DNAH8: variants seen among roughly 807,000 people sequenced by gnomAD.
The protein encoded by DNAH8 is dynein axonemal heavy chain 8.
DNAH8 carries 382 observed loss-of-function variants against 562.1 expected under a neutral mutation model. That is an observed-to-expected ratio of 0.68 (90% CI 0.63 to 0.74). The LOEUF is 0.74. Ranked by LOEUF, DNAH8 falls within the 30% of genes least tolerant of loss-of-function variation. The probability of loss-of-function intolerance (pLI) is 0.00; values close to 1 mark genes in which losing one functional copy is unlikely to be tolerated. For missense variants in DNAH8, 5,203 were observed against 5,620.4 expected (o/e 0.93, Z 2.37); for synonymous variants, 1,881 against 1,919.4 (o/e 0.98, Z 0.52).
chr6:38,781,189 G>C (rs1582987534), intron 15 of DNAH8, 65 bp from the exon 16 acceptor site: 2 of 1,516,988 alleles, frequency 1.3e-6, no homozygotes, highest in East Asian at 4.5e-5. Flanking sequence ...AAATATAGCT[G>C]TATATATTTT....
At chr6:39,000,108 T>C (rs955325105) in intron 88 of DNAH8, among the ~76,000 whole-genome samples, 1 of 152,206 alleles carries the variant, frequency 6.6e-6, no homozygotes. Flanking sequence ...TGGCCTCAAT[T>C]CAACAAACAA....
chr6:38,835,991 A>C (rs1774250657), intron 32 of DNAH8, among the ~76,000 whole-genome samples: 1 of 152,212 alleles, frequency 6.6e-6, no homozygotes, highest in Non-Finnish European at 1.5e-5. Flanking sequence ...GAGACCAAGC[A>C]AGTGACACCT....
At chr6:38,726,240 G>A (rs1305163803) in intron 3 of DNAH8, among the ~76,000 whole-genome samples, 2 of 152,192 alleles carry the variant, frequency 1.3e-5, no homozygotes, top group African/African-American at 4.8e-5. Context: ...AAAGAGTATA[G>A]GCATAGGCAT....
chr6:38,863,849 C>A, intron 44 of DNAH8, 24 bp from the exon 45 acceptor site: 1 of 1,564,312 alleles, frequency 6.4e-7, no homozygotes, highest in Non-Finnish European at 8.6e-7. Flanking sequence ...TAAAACTTTA[C>A]AAATTAACTG....
intron 47 of DNAH8, among the ~76,000 whole-genome samples, chr6:38,867,160 CTG>C (rs758447654): frequency 3.9e-5 from 6 of 151,984 alleles, no homozygotes; most frequent in Non-Finnish European, 8.8e-5. Context: ...AATAACAAAA[CTG>C]GAAATGGACA....
intron 88 of DNAH8, among the ~76,000 whole-genome samples, chr6:39,001,985 G>A (rs1394573573): frequency 1.3e-5 from 2 of 152,182 alleles, no homozygotes; most frequent in African/African-American, 2.4e-5. Flanking sequence ...CAAGGAGGAA[G>A]CCATCTCTGA....
chr6:38,923,232 A>G, intron 72 of DNAH8, 47 bp downstream of exon 72: 1 of 1,604,342 alleles, frequency 6.2e-7, no homozygotes, highest in Non-Finnish European at 8.5e-7. Context: ...TTGTGACATT[A>G]GAGAACATAA....
chr6:38,814,029 C>T (rs1772028403), intron 24 of DNAH8, 25 bp from the exon 25 acceptor site: 2 of 1,487,416 alleles, frequency 1.3e-6, no homozygotes, highest in South Asian at 2.3e-5. Flanking sequence ...TAAGGTTCAT[C>T]AGCTAAATGT....
intron 85 of DNAH8, among the ~76,000 whole-genome samples, chr6:38,976,797 A>G (rs1440275176): frequency 6.6e-6 from 1 of 152,254 alleles, no homozygotes; most frequent in Non-Finnish European, 1.5e-5. Context: ...TGAGTCCTCC[A>G]AATTAAAACA....
intron 29 of DNAH8, among the ~76,000 whole-genome samples, chr6:38,826,953 G>A (rs144389555): frequency 2.0e-5 from 3 of 152,270 alleles, no homozygotes; most frequent in African/African-American, 7.2e-5. Context: ...TTATTTTACA[G>A]TTCTAGACAT....
intron 11 of DNAH8, among the ~76,000 whole-genome samples, chr6:38,766,758 A>G (rs1767047976): frequency 1.3e-5 from 2 of 152,104 alleles, no homozygotes; most frequent in African/African-American, 4.8e-5. Flanking sequence ...AATTAGCTTG[A>G]TTTTGGAACA....
rs1243470444 is a variant in DNAH8, at chr6:38,838,006, TGC to T, written c.4431_4432del (p.Leu1477PhefsTer4). On this transcript the variant is annotated frameshift_variant, in exon 33 of 93. Transcript: ENST00000327475. LOFTEE classifies it high-confidence loss of function. ...TCATCTGGTGAACAACTTTTTGGAT[TGC>T]CTGTGACTGATTATGAGGTTTTACA... The T allele has an allele frequency of 6.2e-7, 1 of 1,612,792 alleles. No individual in the cohort carries two copies. The highest frequency in any genetic ancestry group is 2.2e-5 in the East Asian group (1 of 44,762).
intron 53 of DNAH8, among the ~76,000 whole-genome samples, chr6:38,877,221 C>T (rs1459468163): frequency 6.6e-6 from 1 of 152,126 alleles, no homozygotes; most frequent in Non-Finnish European, 1.5e-5. Context: ...ATTTTCCAAC[C>T]ATGGCAGAGC....
rs763219064 is a variant in DNAH8, at chr6:38,915,190, C to G, written c.9964-11C>G. The G allele has an allele frequency of 5.7e-5, 90 of 1,573,130 alleles. No homozygotes were observed. The highest frequency in any genetic ancestry group is 7.4e-5 in the Non-Finnish European group (86 of 1,167,354). Reference sequence around the variant, plus strand: ...TTCTATTGGCTTTCATGTGTTTCCTCAACTTAACAGGTATTAGCAGAAGTC... The same window carrying G: ...TTCTATTGGCTTTCATGTGTTTCCTGAACTTAACAGGTATTAGCAGAAGTC... On this transcript the variant is annotated splice_polypyrimidine_tract_variant and intron_variant, in intron 67 of 92. Coordinates refer to ENST00000327475, the MANE Select transcript of DNAH8 (RefSeq NM_001206927.2).
At chr6:39,022,615 G>T (rs1383049568) in intron 91 of DNAH8, among the ~76,000 whole-genome samples, 1 of 152,238 alleles carries the variant, frequency 6.6e-6, no homozygotes, top group Non-Finnish European at 1.5e-5. Flanking sequence ...ACCTGGGGGT[G>T]CCCTGCTCAG....
At chr6:38,867,752 C>CA (rs68060910) in intron 47 of DNAH8, among the ~76,000 whole-genome samples, 1,223 of 88,476 alleles carry the variant, frequency 0.014, 30 homozygotes, top group African/African-American at 0.039. Flanking sequence ...GACTCCATCT[C>CA]AAAAAAAAAA....
chr6:38,776,907 C>T (rs1768129174), intron 13 of DNAH8, among the ~76,000 whole-genome samples: 2 of 152,152 alleles, frequency 1.3e-5, no homozygotes, highest in African/African-American at 2.4e-5. Flanking sequence ...TGCAGAATTT[C>T]CTGGAGACAC....
At chr6:38,720,801 A>G (rs892404127) in intron 1 of DNAH8, among the ~76,000 whole-genome samples, 5 of 152,164 alleles carry the variant, frequency 3.3e-5, no homozygotes, top group Admixed American at 2.6e-4. Context: ...TCTCACCAAG[A>G]ATTCAAAATA....
intron 23 of DNAH8, among the ~76,000 whole-genome samples, chr6:38,806,811 T>A (rs1253043160): frequency 6.6e-6 from 1 of 152,044 alleles, no homozygotes; most frequent in Non-Finnish European, 1.5e-5. Flanking sequence ...AATAAAAATC[T>A]GATTATGTCA....
Sources: gnomAD v4.1 joint callset for allele counts (sites outside exome capture counted in the v4.1 genomes callset) on GRCh38, gnomAD v4.1.1 for gene constraint, MANE v1.5 for transcripts, NCBI Gene and HGNC (gene_info 2026-07-23, HGNC 2026-07-21) for gene names.